Variants in SLC25A13 observed in about 807,000 individuals in gnomAD.
The protein encoded by SLC25A13 is electrogenic aspartate/glutamate antiporter SLC25A13, mitochondrial.
Under a neutral mutation model 85.5 loss-of-function variants are expected in SLC25A13, and 70 were observed. The ratio of observed to expected loss-of-function variants is 0.82; its 90% CI spans 0.68 to 1.00. SLC25A13 has a LOEUF of 1.00. Ranked by LOEUF, SLC25A13 falls within the 50% of genes least tolerant of loss-of-function variation. The pLI is 0.00. For synonymous variants in SLC25A13, 259 were observed against 288.7 expected, an observed-to-expected ratio of 0.90 and a Z score of 1.04; for missense variants, 765 against 819.8, an observed-to-expected ratio of 0.93 and a Z score of 0.82.
rs527487823 is a variant in SLC25A13 at position 96,312,765 on chromosome 7, A to G, written c.15+9177T>C. On this transcript the variant is annotated intron_variant, in intron 1 of 17. Coordinates refer to ENST00000265631, the MANE Select transcript of SLC25A13 (RefSeq NM_014251.3). ...AAAGTCCTTTGGCAGTCTGGACAGAATGGAGAGGAAGGTGTAGGGATGAGA... is the reference window on the plus strand; with the variant it reads ...AAAGTCCTTTGGCAGTCTGGACAGAGTGGAGAGGAAGGTGTAGGGATGAGA... Among the ~76,000 whole-genome samples, 181 of 152,308 alleles carry G rather than the reference A, an allele frequency of 1.2e-3. 1 individual carries two copies. The highest frequency in any genetic ancestry group is 2.9e-3 in the South Asian group (14 of 4,822).
chr7:96,228,127 G>A (rs1796387656), intron 4 of SLC25A13, among the ~76,000 whole-genome samples: 1 of 152,200 alleles, frequency 6.6e-6, no homozygotes, highest in Non-Finnish European at 1.5e-5. Flanking sequence ...GCCTCCCAAA[G>A]TGCTGGGATT....
chr7:96,123,846 G>A (rs979133395), intron 15 of SLC25A13, among the ~76,000 whole-genome samples: 1 of 152,198 alleles, frequency 6.6e-6, no homozygotes, highest in African/African-American at 2.4e-5. Flanking sequence ...TGGGGGCCAG[G>A]GTTGGCAGGG....
intron 1 of SLC25A13, among the ~76,000 whole-genome samples, chr7:96,302,119 G>A (rs939667351): frequency 1.3e-5 from 2 of 152,192 alleles, no homozygotes; most frequent in African/African-American, 2.4e-5. Flanking sequence ...GGTTATAATT[G>A]TGTAAGTCAT....
In SLC25A13 at chr7:96,189,617, A is replaced by G; in HGVS notation, c.812T>C (p.Ile271Thr). The G allele has an allele frequency of 1.2e-6, 2 of 1,613,706 alleles. No homozygotes were observed. The highest frequency in any genetic ancestry group is 1.7e-6 in the Non-Finnish European group (2 of 1,179,928). Residue 271 changes from isoleucine (I) to threonine (T), a missense_variant, in exon 8 of 18, where the codon ATC becomes ACC. Coordinates refer to ENST00000265631, the MANE Select transcript of SLC25A13 (RefSeq NM_014251.3). The stretch of plus-strand genomic sequence containing the variant: ...ATATAAATCTGCTAACTGAAACAAG[A>G]TGTCAACTTCCATGGGTGTAACCTG... ...FGQVTPMEVD[I>T]LFQLADLYEP...
intron 1 of SLC25A13, among the ~76,000 whole-genome samples, chr7:96,315,929 C>T (rs934622511): frequency 2.0e-5 from 3 of 151,068 alleles, no homozygotes; most frequent in Non-Finnish European, 2.9e-5. Context: ...AAAGCCTGGG[C>T]GACATAGCAA....
chr7:96,174,430 A>C (rs1225387128), intron 11 of SLC25A13, among the ~76,000 whole-genome samples: 1 of 152,238 alleles, frequency 6.6e-6, no homozygotes, highest in Non-Finnish European at 1.5e-5. Flanking sequence ...AGATATCTAT[A>C]ATAGGAGAAG....
chr7:96,212,246 G>C (rs1266149613), intron 4 of SLC25A13, among the ~76,000 whole-genome samples: 2 of 152,170 alleles, frequency 1.3e-5, no homozygotes, highest in East Asian at 3.9e-4. Context: ...CTTTGTGGCT[G>C]TTCCAATATA....
intron 3 of SLC25A13, among the ~76,000 whole-genome samples, chr7:96,239,555 T>A (rs1796885643): frequency 1.3e-5 from 2 of 152,122 alleles, no homozygotes; most frequent in Admixed American, 6.5e-5. Context: ...AATGTTAGAT[T>A]CCCTTTAAAA....
chr7:96,248,890 T>C (rs544962561), intron 3 of SLC25A13, among the ~76,000 whole-genome samples: 1 of 152,344 alleles, frequency 6.6e-6, no homozygotes, highest in South Asian at 2.1e-4. Context: ...TCTGAATGAT[T>C]AAGACATTCT....
rs114155952 is a variant in SLC25A13 at position 96,132,429 on chromosome 7, T to C, written c.1453-548A>G. Among the ~76,000 whole-genome samples, 1,483 of 152,310 alleles carry C rather than the reference T, an allele frequency of 9.7e-3. 27 individuals are homozygous for C. The highest frequency in any genetic ancestry group is 0.034 in the African/African-American group (1,430 of 41,558). The stretch of plus-strand genomic sequence containing the variant: ...GATCCTTCTAATTTTATTATATACT[T>C]ACTTACCTGCCACCCAGGGTTTATG... On this transcript the variant is annotated intron_variant, in intron 14 of 17. Coordinates refer to ENST00000265631, the MANE Select transcript of SLC25A13 (RefSeq NM_014251.3).
chr7:96,163,732 T>C (rs1202054214), intron 13 of SLC25A13, among the ~76,000 whole-genome samples: 1 of 152,084 alleles, frequency 6.6e-6, no homozygotes, highest in Non-Finnish European at 1.5e-5. Flanking sequence ...AATCAATCAG[T>C]AGAGAAATGG....
At chr7:96,146,721 G>A (rs367766651) in intron 13 of SLC25A13, 25 bp from the exon 14 acceptor site, 25 of 1,613,634 alleles carry the variant, frequency 1.5e-5, no homozygotes, top group Non-Finnish European at 2.0e-5. Context: ...AAAGATTTAG[G>A]ATCAAAGCAA....
intron 11 of SLC25A13, among the ~76,000 whole-genome samples, chr7:96,176,757 C>A (rs1225973900): frequency 6.6e-6 from 1 of 152,144 alleles, no homozygotes; most frequent in African/African-American, 2.4e-5. Flanking sequence ...AGAAATATAA[C>A]TGGAATTTCA....
chr7:96,168,270 T>C (rs956926677), intron 13 of SLC25A13, among the ~76,000 whole-genome samples: 5 of 151,802 alleles, frequency 3.3e-5, no homozygotes, highest in East Asian at 1.9e-4. Flanking sequence ...AAAGTAATGA[T>C]TGGGGGGGAA....
intron 15 of SLC25A13, 42 bp from the exon 16 acceptor site, chr7:96,122,039 T>C (rs1176265608): frequency 5.0e-6 from 8 of 1,612,674 alleles, no homozygotes; most frequent in Non-Finnish European, 5.9e-6. Flanking sequence ...GGTCACATTC[T>C]CACTATATAA....
intron 1 of SLC25A13, among the ~76,000 whole-genome samples, chr7:96,313,479 G>A (rs972495362): frequency 6.6e-6 from 1 of 152,226 alleles, no homozygotes; most frequent in Non-Finnish European, 1.5e-5. Context: ...GATGCAGCTG[G>A]AGGCTATGAT....
intron 5 of SLC25A13, among the ~76,000 whole-genome samples, chr7:96,204,360 C>T (rs954639939): frequency 5.9e-5 from 9 of 152,128 alleles, no homozygotes; most frequent in East Asian, 1.9e-4. Flanking sequence ...CAAGTGCCTA[C>T]GACAGTCACC....
chr7:96,254,341 T>C (rs1797544650), intron 3 of SLC25A13, among the ~76,000 whole-genome samples: 1 of 152,216 alleles, frequency 6.6e-6, no homozygotes, highest in Admixed American at 6.5e-5. Context: ...CTACTCCTGC[T>C]CTCAGACTGG....
At chr7:96,203,158 T>C (rs1417336600) in intron 5 of SLC25A13, among the ~76,000 whole-genome samples, 2 of 152,188 alleles carry the variant, frequency 1.3e-5, no homozygotes, top group Non-Finnish European at 2.9e-5. Context: ...CCATTAGTCT[T>C]AGGATAAAGA....
Sources: gnomAD v4.1 joint callset for allele counts (sites outside exome capture counted in the v4.1 genomes callset) on GRCh38, gnomAD v4.1.1 for gene constraint, MANE v1.5 for transcripts, NCBI Gene and HGNC (gene_info 2026-07-23, HGNC 2026-07-21) for gene names.